Variants in SRBD1 observed in about 807,000 individuals in gnomAD.
SRBD1 encodes the protein S1 RNA binding domain 1.
SRBD1 carries 88 observed loss-of-function variants against 115.3 expected under a neutral mutation model. That is an observed-to-expected ratio of 0.76 (90% confidence interval 0.64 to 0.91). The LOEUF is 0.91. Ranked by LOEUF, SRBD1 falls within the 40% of genes least tolerant of loss-of-function variation. The probability of loss-of-function intolerance (pLI) is 0.00; values close to 1 mark genes in which losing one functional copy is unlikely to be tolerated. For synonymous variants in SRBD1, 509 were observed against 407.7 expected (o/e 1.25, Z -2.99); for missense variants, 1,385 against 1,177.4 (o/e 1.18, Z -2.58).
In SRBD1 at chr2:45,389,503, AAG is replaced by A; in HGVS notation, c.2793_2794del (p.Phe932TrpfsTer49). ...CACTCCTATATCCACAAAAATTCCA[AAG>A]AGAGTGGCATTCTCAACTTTGCCTG... is the stretch of plus-strand genomic sequence containing the variant. On this transcript the variant is annotated frameshift_variant, in exon 21 of 21. Coordinates refer to ENST00000263736, the MANE Select transcript of SRBD1 (RefSeq NM_018079.5). LOFTEE classifies it high-confidence loss of function. 6.2e-7 allele frequency: 1 copy of A among 1,614,086 alleles called. No individual in the cohort carries two copies. Among genetic ancestry groups the A allele is most frequent in the Non-Finnish European group, 8.5e-7 (1 of 1,179,952 alleles).
intron 5 of SRBD1, among the ~76,000 whole-genome samples, chr2:45,585,151 G>GAAA (rs532306209): frequency 1.5e-5 from 2 of 137,758 alleles, no homozygotes; most frequent in African/African-American, 5.4e-5. Context: ...CTCTGTCTCC[G>GAAA]AAAAAAAAAA....
intron 1 of SRBD1, 30 bp from the exon 2 acceptor site, chr2:45,605,471 C>T (rs760350641): frequency 1.9e-5 from 30 of 1,586,686 alleles, no homozygotes; most frequent in Non-Finnish European, 1.9e-5. Context: ...AAATCAGCAA[C>T]ACTTGAATAT....
intron 14 of SRBD1, among the ~76,000 whole-genome samples, chr2:45,533,399 T>C (rs1446502331): frequency 6.6e-6 from 1 of 152,066 alleles, no homozygotes; most frequent in Non-Finnish European, 1.5e-5. Flanking sequence ...CCTAATATGG[T>C]TCCTAACTTC....
intron 16 of SRBD1, among the ~76,000 whole-genome samples, chr2:45,436,722 C>G (rs1418733111): frequency 6.6e-6 from 1 of 152,130 alleles, no homozygotes; most frequent in Non-Finnish European, 1.5e-5. Flanking sequence ...CCCCCATGAT[C>G]CAATCACCTC....
intron 11 of SRBD1, among the ~76,000 whole-genome samples, chr2:45,553,060 A>G (rs1307050194): frequency 1.3e-5 from 2 of 152,200 alleles, no homozygotes; most frequent in Non-Finnish European, 2.9e-5. Context: ...AACAAGGGTT[A>G]CAGAGAAGCA....
At chr2:45,539,911 TAC>T (rs1307326444) in intron 14 of SRBD1, among the ~76,000 whole-genome samples, 2 of 152,150 alleles carry the variant, frequency 1.3e-5, no homozygotes, top group Non-Finnish European at 2.9e-5. Context: ...CTAGAATTAT[TAC>T]ACAGATTGTA....
intron 4 of SRBD1, among the ~76,000 whole-genome samples, chr2:45,593,105 G>C (rs777128878): frequency 6.6e-6 from 1 of 152,068 alleles, no homozygotes; most frequent in Non-Finnish European, 1.5e-5. Context: ...AGGCACTCTC[G>C]AGAATTTTTT....
chr2:45,586,515 TACA>T (rs1270691914), intron 4 of SRBD1, among the ~76,000 whole-genome samples: 14 of 152,162 alleles, frequency 9.2e-5, no homozygotes, highest in Admixed American at 3.3e-4. Flanking sequence ...CATGCACAAA[TACA>T]ACATCTTCAA....
At chr2:45,398,561 T>A (rs1237474606) in intron 19 of SRBD1, among the ~76,000 whole-genome samples, 4 of 152,228 alleles carry the variant, frequency 2.6e-5, no homozygotes, top group Non-Finnish European at 5.9e-5. Context: ...CATGTTGCAT[T>A]CATTGTATGT....
At chr2:45,450,600 A>C (rs1668963542) in intron 16 of SRBD1, among the ~76,000 whole-genome samples, 1 of 152,140 alleles carries the variant, frequency 6.6e-6, no homozygotes, top group Non-Finnish European at 1.5e-5. Context: ...TTAGATGTTC[A>C]AGGGAGGGAA....
At chr2:45,608,968 C>T (rs905771470) in intron 1 of SRBD1, among the ~76,000 whole-genome samples, 1 of 152,026 alleles carries the variant, frequency 6.6e-6, no homozygotes, top group African/African-American at 2.4e-5. Flanking sequence ...CCACCACACC[C>T]AGCTAATTTT....
At chr2:45,580,767 C>T (rs1673335442) in intron 6 of SRBD1, among the ~76,000 whole-genome samples, 1 of 144,372 alleles carries the variant, frequency 6.9e-6, no homozygotes. Context: ...CTCACTGCAA[C>T]CTCCTACTCC....
chr2:45,450,495 C>T (rs1005561425), intron 16 of SRBD1, among the ~76,000 whole-genome samples: 3 of 152,036 alleles, frequency 2.0e-5, no homozygotes, highest in East Asian at 3.8e-4. Flanking sequence ...GGAAGAGTTA[C>T]AATATTTTTA....
intron 10 of SRBD1, 137 bp downstream of exon 10, chr2:45,562,516 G>A: frequency 5.2e-6 from 3 of 579,960 alleles, no homozygotes; most frequent in Middle Eastern, 4.7e-4. Flanking sequence ...ACAGGCGTGA[G>A]CCACCGCGCC....
intron 16 of SRBD1, among the ~76,000 whole-genome samples, chr2:45,464,897 T>C (rs17033710): frequency 0.085 from 12,920 of 152,072 alleles, 729 homozygotes; most frequent in African/African-American, 0.16. Context: ...ATTTATGAAA[T>C]AATGAAGTGG....
chr2:45,396,391 T>C (rs977126948), intron 19 of SRBD1, among the ~76,000 whole-genome samples: 2 of 152,220 alleles, frequency 1.3e-5, no homozygotes, highest in Non-Finnish European at 2.9e-5. Context: ...GACAATTCTT[T>C]CAAAAGTCAA....
intron 1 of SRBD1, among the ~76,000 whole-genome samples, chr2:45,605,739 A>G (rs537166451): frequency 6.6e-6 from 1 of 152,174 alleles, no homozygotes; most frequent in African/African-American, 2.4e-5. Flanking sequence ...CTCAGTCTCT[A>G]CTAAAAATAG....
intron 19 of SRBD1, among the ~76,000 whole-genome samples, chr2:45,393,775 C>T (rs1667071547): frequency 6.6e-6 from 1 of 152,160 alleles, no homozygotes; most frequent in Admixed American, 6.5e-5. Flanking sequence ...ATTAGGAAAA[C>T]ATTTTATTTA....
intron 18 of SRBD1, among the ~76,000 whole-genome samples, chr2:45,414,572 G>T (rs1390629281): frequency 6.7e-6 from 1 of 148,794 alleles, no homozygotes; most frequent in Non-Finnish European, 1.5e-5. Flanking sequence ...TACACACATA[G>T]TGTGTATATA....
Sources: gnomAD v4.1 joint callset for allele counts (sites outside exome capture counted in the v4.1 genomes callset) on GRCh38, gnomAD v4.1.1 for gene constraint, MANE v1.5 for transcripts, NCBI Gene and HGNC (gene_info 2026-07-23, HGNC 2026-07-21) for gene names.